EFNB2: variants seen among roughly 807,000 people sequenced by gnomAD.
EFNB2 encodes ephrin B2.
In EFNB2, 5 loss-of-function variants were observed where a neutral mutation model predicts 32.1. That is an observed-to-expected ratio of 0.16 (90% confidence interval 0.08 to 0.33). The LOEUF (loss-of-function observed/expected upper bound fraction) is 0.33, where lower values mean the gene tolerates loss of function less well. Among genes scored for constraint, EFNB2 ranks in the 10% least tolerant of loss-of-function variants. The pLI, the probability that EFNB2 is intolerant of heterozygous loss-of-function variation, is 1.00. For missense variants in EFNB2, 263 were observed against 422.6 expected, an observed-to-expected ratio of 0.62 and a Z score of 3.31; for synonymous variants, 168 against 166.5, an observed-to-expected ratio of 1.01 and a Z score of -0.07.
intron 1 of EFNB2, among the ~76,000 whole-genome samples, chr13:106,527,092 A>G (rs1879724972): frequency 6.6e-6 from 1 of 152,162 alleles, no homozygotes; most frequent in Admixed American, 6.5e-5. Context: ...TCTGGGTAGC[A>G]CTCATAATTA....
intron 1 of EFNB2, among the ~76,000 whole-genome samples, chr13:106,514,122 TG>T (rs752577781): frequency 7.2e-5 from 11 of 152,184 alleles, no homozygotes; most frequent in Non-Finnish European, 1.3e-4. Flanking sequence ...ACCTCTTTCT[TG>T]GGAATGTGTT....
intron 1 of EFNB2, among the ~76,000 whole-genome samples, chr13:106,526,543 C>T (rs1412627497): frequency 6.6e-6 from 1 of 152,086 alleles, no homozygotes; most frequent in Non-Finnish European, 1.5e-5. Flanking sequence ...ATGAACTTTA[C>T]TGGACAGTCC....
chr13:106,531,884 C>T (rs1443416261), intron 1 of EFNB2, among the ~76,000 whole-genome samples: 4 of 152,066 alleles, frequency 2.6e-5, no homozygotes, highest in African/African-American at 7.2e-5. Context: ...CAGTGTAATG[C>T]ATTGCAGAAC....
intron 1 of EFNB2, among the ~76,000 whole-genome samples, chr13:106,529,532 G>A (rs1164318361): frequency 6.6e-6 from 1 of 152,214 alleles, no homozygotes; most frequent in African/African-American, 2.4e-5. Flanking sequence ...CAGACCACAA[G>A]TAGAGCTTTC....
In EFNB2 at chr13:106,518,387, T is replaced by C. The variant is rs915432762; in HGVS notation, c.123-5575A>G. ...GCAACACAATATTCTTTAATATTAA[T>C]AGACTAGAACACAGCATAATTAATG... On this transcript the variant is annotated intron_variant, in intron 1 of 4. Coordinates refer to ENST00000646441, the MANE Select transcript of EFNB2 (RefSeq NM_004093.4). The surrounding 1 kb of genome is among the most constrained non-coding windows in gnomAD (Gnocchi z 4.1). The C allele has an allele frequency of 2.0e-5, 3 of 152,214 alleles. No homozygotes were observed. The highest frequency in any genetic ancestry group is 4.4e-5 in the Non-Finnish European group (3 of 68,038). The allele number at this position is 152,214 out of a possible 1,614,324, so 9.4% of individuals were successfully genotyped here.
At chr13:106,533,999 G>A (rs1407441592) in intron 1 of EFNB2, among the ~76,000 whole-genome samples, 3 of 152,172 alleles carry the variant, frequency 2.0e-5, no homozygotes, top group Non-Finnish European at 2.9e-5. Flanking sequence ...TGTAGAGTCC[G>A]GTAAGAGCAA....
At position 106,507,914 on chromosome 13, in the gene EFNB2, G is replaced by C. The variant is rs1879009785; in HGVS notation, c.406+4615C>G. Among the ~76,000 whole-genome samples, 3 of 152,222 alleles carry C rather than the reference G, an allele frequency of 2.0e-5. No individual in the cohort carries two copies. The South Asian group carries it at 6.2e-4, about 31-fold the overall frequency. On this transcript the variant is annotated intron_variant, in intron 2 of 4. Transcript: ENST00000646441. ...AAAGCCATATGAAGCTAAATTGGGAGGCGCTTCATTAATACGGTTTTCTTT... is the reference window on the plus strand; with the variant it reads ...AAAGCCATATGAAGCTAAATTGGGACGCGCTTCATTAATACGGTTTTCTTT...
intron 4 of EFNB2, 140 bp downstream of exon 4, chr13:106,494,741 G>A (rs888061072): frequency 1.5e-6 from 1 of 649,394 alleles, no homozygotes; most frequent in East Asian, 2.5e-5. Context: ...ATGACTCACT[G>A]ACAGCAAAGA....
intron 2 of EFNB2, among the ~76,000 whole-genome samples, chr13:106,497,052 A>T (rs1182040551): frequency 6.6e-6 from 1 of 152,228 alleles, no homozygotes; most frequent in Non-Finnish European, 1.5e-5. Flanking sequence ...AATCCCAAAG[A>T]CATTCTTCTA....
chr13:106,507,630 A>T (rs1196251223), intron 2 of EFNB2, among the ~76,000 whole-genome samples: 3 of 142,144 alleles, frequency 2.1e-5, no homozygotes, highest in South Asian at 2.1e-4. Context: ...TATTAAAAAA[A>T]AAATAAAAAA....
chr13:106,492,868 T>G lies in EFNB2; in HGVS notation c.*172A>C. 1.2e-6 allele frequency: 1 copy of G among 835,160 alleles called. No individual in the cohort carries two copies. The highest frequency in any genetic ancestry group is 1.8e-6 in the Non-Finnish European group (1 of 553,216). The allele number at this position is 835,160 out of a possible 1,614,324, so 51.7% of individuals were successfully genotyped here. On this transcript the variant is annotated 3_prime_UTR_variant, in exon 5 of 5. Coordinates refer to ENST00000646441, the MANE Select transcript of EFNB2 (RefSeq NM_004093.4). This position sits in a 1 kb window ranked among gnomAD's most constrained non-coding sequence, Gnocchi z 5.1. Reference sequence around the variant, plus strand: ...GTGTGTGTTCACCAAGGCCGAATGCTACAAGACTAGGTAAGCTGTCCAGCG... The same window carrying G: ...GTGTGTGTTCACCAAGGCCGAATGCGACAAGACTAGGTAAGCTGTCCAGCG...
intron 1 of EFNB2, among the ~76,000 whole-genome samples, chr13:106,529,309 G>C (rs1040763730): frequency 6.6e-6 from 1 of 152,162 alleles, no homozygotes; most frequent in Non-Finnish European, 1.5e-5. Context: ...CAACGACCGC[G>C]AAGTGCAGTT....
intron 2 of EFNB2, among the ~76,000 whole-genome samples, chr13:106,499,910 A>G (rs1359395351): frequency 6.6e-6 from 1 of 152,194 alleles, no homozygotes; most frequent in African/African-American, 2.4e-5. Context: ...CAGTGGGTAG[A>G]GATTACTGCT....
chr13:106,532,914 G>A (rs890507095), intron 1 of EFNB2, among the ~76,000 whole-genome samples: 1 of 151,644 alleles, frequency 6.6e-6, no homozygotes, highest in Non-Finnish European at 1.5e-5. Context: ...CTAAACCTTA[G>A]GTTGAAATAA....
At position 106,518,519 on chromosome 13, in the gene EFNB2, CAT is replaced by C. The variant is rs1272508064; in HGVS notation, c.123-5709_123-5708del. 1.3e-5 allele frequency: 2 copies of C among 152,180 alleles called. No individual in the cohort carries two copies. The highest frequency in any genetic ancestry group is 2.9e-5 in the Non-Finnish European group (2 of 68,032). 9.4% of individuals were successfully genotyped at this position (152,180 alleles called of 1,614,324 possible). On this transcript the variant is annotated intron_variant, in intron 1 of 4. Coordinates refer to ENST00000646441, the MANE Select transcript of EFNB2 (RefSeq NM_004093.4). This position sits in a 1 kb window ranked among gnomAD's most constrained non-coding sequence, Gnocchi z 4.1. The stretch of plus-strand genomic sequence containing the variant: ...GCCACTTAGAGTTCAGAGGTCACCT[CAT>C]GTGATTTTCATTCACAGACCAGACC...
chr13:106,516,613 A>C (rs1879320778), intron 1 of EFNB2: 1 of 152,218 alleles, frequency 6.6e-6, no homozygotes, highest in African/African-American at 2.4e-5. Context: ...TTTTTCCCCC[A>C]AATCAAGCTG....
rs1486356250 is a variant in EFNB2 at position 106,492,614 on chromosome 13, A to T, written c.*426T>A. Reference sequence around the variant, plus strand: ...CCGAGGTCCGTGTGACAAGTCCGGTATGCACTGCGGGGGAAATGCACCCCA... The same window carrying T: ...CCGAGGTCCGTGTGACAAGTCCGGTTTGCACTGCGGGGGAAATGCACCCCA... On this transcript the variant is annotated 3_prime_UTR_variant, in exon 5 of 5. Transcript: ENST00000646441. This position sits in a 1 kb window ranked among gnomAD's most constrained non-coding sequence, Gnocchi z 5.1. The T allele has an allele frequency of 1.1e-5, 2 of 182,688 alleles. No homozygotes were observed. Among genetic ancestry groups the T allele is most frequent in the Admixed American group, 1.1e-4 (2 of 18,730 alleles). 11.3% of individuals were successfully genotyped at this position (182,688 alleles called of 1,614,324 possible).
intron 2 of EFNB2, chr13:106,509,977 CCT>C (rs1451515043): frequency 1.3e-5 from 2 of 152,162 alleles, no homozygotes; most frequent in Admixed American, 6.5e-5. Context: ...ACTTCTTAGC[CCT>C]GAGTCCTCCA....
At chr13:106,533,732 A>G (rs1327458527) in intron 1 of EFNB2, among the ~76,000 whole-genome samples, 2 of 152,062 alleles carry the variant, frequency 1.3e-5, no homozygotes, top group Non-Finnish European at 1.5e-5. Context: ...TTTGCTTCTG[A>G]TCTCAAACGT....
Sources: allele counts gnomAD v4.1 joint callset (sites outside exome capture counted in the v4.1 genomes callset), GRCh38; gene constraint gnomAD v4.1.1; non-coding constraint Gnocchi (gnomAD v3.1); transcripts MANE v1.5; gene names NCBI Gene and HGNC (gene_info 2026-07-23, HGNC 2026-07-21).